The following WT1 variants were observed in gnomAD, a reference collection of about 807,000 sequenced individuals.
WT1 encodes Wilms tumor protein.
Under a neutral mutation model 60.8 loss-of-function variants are expected in WT1, and 8 were observed. That is an observed-to-expected ratio of 0.13 (90% CI 0.08 to 0.24). The LOEUF (loss-of-function observed/expected upper bound fraction) is 0.24, where lower values mean the gene tolerates loss of function less well. Among genes scored for constraint, WT1 ranks in the 10% least tolerant of loss-of-function variants. The pLI, the probability that WT1 is intolerant of heterozygous loss-of-function variation, is 1.00. For missense variants in WT1, 568 were observed against 711.8 expected (o/e 0.80, Z 2.30); for synonymous variants, 312 against 297.1 (o/e 1.05, Z -0.52).
rs12575247 is a variant in WT1, at chr11:32,430,978, G to C, written c.662-2359C>G. Among the ~76,000 whole-genome samples the C allele has an allele frequency of 0.17, 26,482 of 152,200 alleles. 3,425 individuals carry two copies. The highest frequency in any genetic ancestry group is 0.68 in the East Asian group (3,522 of 5,146). Reference sequence around the variant, plus strand: ...GCTGGAAGGAGCAGCGTGTTCAAAGGCTCCTTGTACAGGCCTTGGAGGGAG... The same window carrying C: ...GCTGGAAGGAGCAGCGTGTTCAAAGCCTCCTTGTACAGGCCTTGGAGGGAG... On this transcript the variant is annotated intron_variant, in intron 1 of 9. Coordinates refer to ENST00000452863, the MANE Select transcript of WT1 (RefSeq NM_024426.6).
At chr11:32,396,201 T>C (rs1318101566) in intron 7 of WT1, 56 bp downstream of exon 7, 2 of 1,612,044 alleles carry the variant, frequency 1.2e-6, no homozygotes, top group Non-Finnish European at 1.7e-6. Flanking sequence ...TGTGAGAGCC[T>C]GGAAAAGGAG....
At chr11:32,400,894 C>T (rs1388334417) in intron 5 of WT1, among the ~76,000 whole-genome samples, 1 of 152,204 alleles carries the variant, frequency 6.6e-6, no homozygotes, top group Non-Finnish European at 1.5e-5. Context: ...GAGGAGAGCT[C>T]TTATGAAATA....
chr11:32,423,879 T>A (rs1176350915), intron 3 of WT1, among the ~76,000 whole-genome samples: 1 of 152,204 alleles, frequency 6.6e-6, no homozygotes, highest in Non-Finnish European at 1.5e-5. Flanking sequence ...AAGTGATACA[T>A]TGGCCTGGTG....
intron 9 of WT1, among the ~76,000 whole-genome samples, chr11:32,389,738 T>G (rs1054067291): frequency 7.9e-5 from 12 of 152,130 alleles, no homozygotes; most frequent in East Asian, 1.9e-4. Context: ...ATGTGTTGTT[T>G]TTTTTTTTCT....
intron 5 of WT1, among the ~76,000 whole-genome samples, chr11:32,409,134 G>A (rs1352463049): frequency 4.6e-5 from 7 of 152,100 alleles, no homozygotes; most frequent in African/African-American, 7.2e-5. Flanking sequence ...AGAGCTGCTG[G>A]CAACCTGGCA....
intron 1 of WT1, among the ~76,000 whole-genome samples, chr11:32,433,711 G>C (rs1279877984): frequency 6.6e-6 from 1 of 152,266 alleles, no homozygotes; most frequent in Non-Finnish European, 1.5e-5. Context: ...TCGGGTCCGC[G>C]CCGCCCAGGC....
At chr11:32,418,032 G>A (rs1444422655) in intron 3 of WT1, among the ~76,000 whole-genome samples, 2 of 152,030 alleles carry the variant, frequency 1.3e-5, no homozygotes, top group Non-Finnish European at 2.9e-5. Context: ...AGTAAAGACA[G>A]CAGATTAATT....
chr11:32,401,877 C>T (rs1852169314), intron 5 of WT1, among the ~76,000 whole-genome samples: 1 of 152,156 alleles, frequency 6.6e-6, no homozygotes, highest in African/African-American at 2.4e-5. Context: ...TGGGATTAAA[C>T]TGGCTGTCAG....
chr11:32,389,112 G>T lies in WT1; in HGVS notation c.1515C>A (p.Val505=), dbSNP rs1338629886. The change falls in exon 10 of 10, where the codon GTC becomes GTA. Residue 505 remains valine (V), a synonymous_variant. Coordinates refer to ENST00000452863, the MANE Select transcript of WT1 (RefSeq NM_024426.6). ...TTCTCTGATGCATGTTGTGATGGCG[G>T]ACTAATTCATCTGACCGGGCAAACT... The T allele has an allele frequency of 1.2e-6, 2 of 1,614,252 alleles. No homozygotes were observed. Among genetic ancestry groups the T allele is most frequent in the East Asian group, 4.5e-5 (2 of 44,894 alleles).
intron 6 of WT1, among the ~76,000 whole-genome samples, chr11:32,398,569 G>A (rs956377713): frequency 5.9e-5 from 9 of 152,144 alleles, no homozygotes; most frequent in African/African-American, 1.7e-4. Context: ...AAGCAGTATC[G>A]TGAAGTAGGT....
chr11:32,399,399 C>T (rs1295089653), intron 6 of WT1, among the ~76,000 whole-genome samples: 1 of 152,108 alleles, frequency 6.6e-6, no homozygotes, highest in African/African-American at 2.4e-5. Flanking sequence ...AATATTGGCT[C>T]ATCAATTATA....
chr11:32,408,748 T>C (rs910489764), intron 5 of WT1, among the ~76,000 whole-genome samples: 3 of 151,948 alleles, frequency 2.0e-5, no homozygotes, highest in Non-Finnish European at 2.9e-5. Context: ...AATAAACCAA[T>C]AGTCTGAGAA....
At chr11:32,414,538 G>C (rs942376436) in intron 5 of WT1, among the ~76,000 whole-genome samples, 6 of 152,168 alleles carry the variant, frequency 3.9e-5, no homozygotes, top group African/African-American at 1.4e-4. Context: ...GCCTCCCAAA[G>C]TGCTGGGATT....
intron 5 of WT1, among the ~76,000 whole-genome samples, chr11:32,414,266 G>GTGTT (rs544541683): frequency 4.7e-4 from 71 of 152,226 alleles, no homozygotes; most frequent in African/African-American, 1.6e-3. Context: ...CATATATATT[G>GTGTT]TGTTTGTTTG....
intron 3 of WT1, among the ~76,000 whole-genome samples, chr11:32,420,117 A>G (rs541563719): frequency 6.6e-6 from 1 of 152,330 alleles, no homozygotes; most frequent in South Asian, 2.1e-4. Flanking sequence ...TACACTGGCC[A>G]CATGTGACTC....
intron 1 of WT1, among the ~76,000 whole-genome samples, chr11:32,430,126 A>G (rs1029351203): frequency 1.3e-5 from 2 of 152,092 alleles, no homozygotes; most frequent in African/African-American, 4.8e-5. Flanking sequence ...TAAGTCTCAC[A>G]CACTGCTCAG....
intron 8 of WT1, 102 bp from the exon 9 acceptor site, chr11:32,392,166 C>T (rs1851837751): frequency 2.0e-6 from 2 of 1,018,544 alleles, no homozygotes; most frequent in African/African-American, 3.2e-5. Context: ...CATTTCCTGC[C>T]ATGCCTGCAA....
intron 5 of WT1, 84 bp from the exon 6 acceptor site, chr11:32,400,128 A>G (rs1590345716): frequency 2.0e-6 from 3 of 1,509,040 alleles, no homozygotes; most frequent in Non-Finnish European, 2.7e-6. Flanking sequence ...GGAGGGAATG[A>G]TGGTTTTTAA....
chr11:32,405,695 C>G (rs757466658), intron 5 of WT1, among the ~76,000 whole-genome samples: 2 of 152,126 alleles, frequency 1.3e-5, no homozygotes, highest in Non-Finnish European at 2.9e-5. Context: ...CCGCATCAGA[C>G]TGATGCAATA....
Sources: gnomAD v4.1 joint callset for allele counts (sites outside exome capture counted in the v4.1 genomes callset) on GRCh38, gnomAD v4.1.1 for gene constraint, MANE v1.5 for transcripts, NCBI Gene and HGNC (gene_info 2026-07-23, HGNC 2026-07-21) for gene names.